ASL: variants seen among roughly 807,000 people sequenced by gnomAD.
The protein encoded by ASL is argininosuccinate lyase.
A neutral mutation model predicts 69.1 loss-of-function variants in ASL; 51 were observed. The observed-to-expected ratio is 0.74, with a 90% CI of 0.59 to 0.93. ASL has a LOEUF of 0.93. ASL is among the 40% of genes least tolerant of loss of function. The probability of loss-of-function intolerance (pLI) is 0.00; values close to 1 mark genes in which losing one functional copy is unlikely to be tolerated. For synonymous variants in ASL, 241 were observed against 247.6 expected, an observed-to-expected ratio of 0.97 and a Z score of 0.25; for missense variants, 540 against 623.9, an observed-to-expected ratio of 0.87 and a Z score of 1.43.
Position 66,087,404 on chromosome 7 carries a change from T to A in ASL, c.655+18T>A. Reference sequence around the variant, plus strand: ...CCGAGCAGGTGAGACGTCCTGCCCCTCCTCCCCAGGGAGAATCACCCTCAG... The same window carrying A: ...CCGAGCAGGTGAGACGTCCTGCCCCACCTCCCCAGGGAGAATCACCCTCAG... On this transcript the variant is annotated intron_variant, in intron 9 of 16. Coordinates refer to ENST00000304874, the MANE Select transcript of ASL (RefSeq NM_000048.4). The A allele has an allele frequency of 3.1e-6, 5 of 1,606,064 alleles. No homozygotes were observed. The highest frequency in any genetic ancestry group is 4.2e-6 in the Non-Finnish European group (5 of 1,179,706).
intron 2 of ASL, among the ~76,000 whole-genome samples, chr7:66,076,729 T>C (rs1222916265): frequency 6.6e-6 from 1 of 151,962 alleles, no homozygotes; most frequent in Non-Finnish European, 1.5e-5. Flanking sequence ...CCATAGTTGA[T>C]TTATCTGGCA....
chr7:66,075,890 C>A (rs1311200563), intron 1 of ASL, 34 bp downstream of exon 1: 4 of 654,138 alleles, frequency 6.1e-6, no homozygotes, highest in Non-Finnish European at 1.1e-5. Flanking sequence ...GCGGGACGGG[C>A]GTGGAGGACG....
intron 14 of ASL, among the ~76,000 whole-genome samples, chr7:66,091,228 TG>T (rs1786835251): frequency 6.6e-6 from 1 of 151,974 alleles, no homozygotes; most frequent in Non-Finnish European, 1.5e-5. Context: ...TCAGAGACTC[TG>T]GGGGTGCTCC....
chr7:66,082,365 C>T lies in ASL; in HGVS notation c.208-3C>T, dbSNP rs1786530560. On this transcript the variant is annotated splice_region_variant and splice_polypyrimidine_tract_variant and intron_variant, in intron 3 of 16. Transcript: ENST00000304874. ...ACCCCGGCATTGCTGCTACCCACTA[C>T]AGGTGGCTGAGGAGTGGGCCCAGGG... 6.2e-7 allele frequency: 1 copy of T among 1,610,982 alleles called. No individual in the cohort carries two copies. Among genetic ancestry groups the T allele is most frequent in the African/African-American group, 1.3e-5 (1 of 74,918 alleles).
intron 8 of ASL, 70 bp from the exon 9 acceptor site, chr7:66,087,263 TG>T: frequency 7.3e-7 from 1 of 1,362,610 alleles, no homozygotes; most frequent in Non-Finnish European, 1.0e-6. Flanking sequence ...TGTGTGTGTG[TG>T]TGTGTGTGTG....
At position 66,092,814 on chromosome 7, in the gene ASL, A is replaced by C. The variant is rs1554328459; in HGVS notation, c.1297A>C (p.Ser433Arg). ...DVICVWDYGH[S>R]VEQYGALGGT... ...GATCTGCGTGTGGGACTACGGGCACAGTGTGGAGCAGTATGGTGCCCTGGG... is the reference window on the plus strand; with the variant it reads ...GATCTGCGTGTGGGACTACGGGCACCGTGTGGAGCAGTATGGTGCCCTGGG... The change falls in exon 17 of 17, where the codon AGT (serine) becomes CGT (arginine). Residue 433 changes from serine to arginine, a missense_variant. Transcript: ENST00000304874. 6.2e-7 allele frequency: 1 copy of C among 1,613,840 alleles called. No individual in the cohort carries two copies. The highest frequency in any genetic ancestry group is 8.5e-7 in the Non-Finnish European group (1 of 1,180,002).
intron 14 of ASL, among the ~76,000 whole-genome samples, chr7:66,091,416 C>T (rs533906213): frequency 1.3e-5 from 2 of 152,194 alleles, no homozygotes; most frequent in East Asian, 3.9e-4. Flanking sequence ...TTAAATTAGC[C>T]AGTCGTGATG....
At position 66,083,000 on chromosome 7, in the gene ASL, T is replaced by TA; in HGVS notation, c.348+65dup. 3 of 1,610,956 alleles carry TA rather than the reference T, an allele frequency of 1.9e-6. No individual in the cohort carries two copies. The South Asian group carries it at 3.3e-5, about 18-fold the overall frequency. ...AACCTTGAGGAGCCCAGGGGGCAGTTAGAGTTCTGCAGCGGTCCTGGCTCC... is the reference window on the plus strand; with the variant it reads ...AACCTTGAGGAGCCCAGGGGGCAGTTAAGAGTTCTGCAGCGGTCCTGGCTCC... On this transcript the variant is annotated intron_variant, in intron 5 of 16. Coordinates refer to ENST00000304874, the MANE Select transcript of ASL (RefSeq NM_000048.4).
At position 66,089,186 on chromosome 7, in the gene ASL, CA is replaced by C. The variant is rs770425849; in HGVS notation, c.918+12del. ...CGTGTGTTTGGGCGGGTGAGCAAGG[CA>C]GGGGGAGGGGCGGGGCCTCTGGGCT... On this transcript the variant is annotated intron_variant, in intron 12 of 16. Transcript: ENST00000304874. The C allele has an allele frequency of 8.7e-6, 14 of 1,613,474 alleles. No individual in the cohort carries two copies. Among genetic ancestry groups the C allele is most frequent in the East Asian group, 2.2e-5 (1 of 44,876 alleles).
chr7:66,087,615 T>C, intron 9 of ASL, 114 bp from the exon 10 acceptor site: 1 of 1,096,402 alleles, frequency 9.1e-7, no homozygotes, highest in Non-Finnish European at 1.4e-6. Flanking sequence ...AAAAGATCCC[T>C]CCCCCCAGCT....
At position 66,083,146 on chromosome 7, in the gene ASL, A is replaced by G. The variant is rs1376078142; in HGVS notation, c.418A>G (p.Ile140Val). 3.1e-6 allele frequency: 5 copies of G among 1,613,370 alleles called. No individual in the cohort carries two copies. In the South Asian group the frequency reaches 5.5e-5, roughly 18 times the overall value. ...STLSGLLWEL[I>V]RTMVDRAEAE... ...GCTCTCGGGCCTCCTCTGGGAGCTC[A>G]TTAGGACCATGGTGGATCGGGCAGA... Residue 140 changes from isoleucine to valine, a missense_variant, in exon 6 of 17, where the codon ATT becomes GTT. Physicochemically the swap from Ile to Val is conservative, Grantham distance 29 (BLOSUM62 3). Coordinates refer to ENST00000304874, the MANE Select transcript of ASL (RefSeq NM_000048.4).
rs770619576 is a variant in ASL at position 66,087,739 on chromosome 7, T to C, written c.666T>C (p.Phe222=). The part of the protein sequence containing the change: ...DRELLRAELN[F]GAITLNSMDA... ...CTCCCACCCCCCCAGAACTCAACTT[T>C]GGGGCCATCACTCTCAACAGCATGG... The change falls in exon 10 of 17, where the codon TTT becomes TTC. Residue 222 remains phenylalanine, a synonymous_variant. Coordinates refer to ENST00000304874, the MANE Select transcript of ASL (RefSeq NM_000048.4). 2 of 1,614,064 alleles carry C rather than the reference T, an allele frequency of 1.2e-6. No individual in the cohort carries two copies. The highest frequency in any genetic ancestry group is 2.2e-5 in the South Asian group (2 of 91,078).
intron 10 of ASL, 42 bp from the exon 11 acceptor site, chr7:66,088,765 G>T (rs972336896): frequency 6.5e-7 from 1 of 1,545,560 alleles, no homozygotes; most frequent in Non-Finnish European, 8.9e-7. Flanking sequence ...CAGGCTGGGT[G>T]GGGATGGGAG....
chr7:66,082,960 G>C (rs1365993920), intron 5 of ASL, 24 bp downstream of exon 5: 2 of 1,612,734 alleles, frequency 1.2e-6, no homozygotes, highest in Non-Finnish European at 8.5e-7. Context: ...TCCACCCCCT[G>C]CTCCGTGTTG....
At chr7:66,080,231 A>C (rs1209847373) in intron 2 of ASL, among the ~76,000 whole-genome samples, 1 of 151,226 alleles carries the variant, frequency 6.6e-6, no homozygotes. Context: ...AAAAAAATAC[A>C]AAAAATTAGC....
intron 10 of ASL, 40 bp from the exon 11 acceptor site, chr7:66,088,767 G>T: frequency 1.3e-6 from 2 of 1,556,090 alleles, no homozygotes; most frequent in Non-Finnish European, 1.8e-6. Context: ...GGCTGGGTGG[G>T]GATGGGAGAG....
At chr7:66,081,689 A>G in intron 2 of ASL, 114 bp from the exon 3 acceptor site, 1 of 1,284,836 alleles carries the variant, frequency 7.8e-7, no homozygotes, top group South Asian at 1.5e-5. Flanking sequence ...CCCAGTTAGA[A>G]TGATCTGATG....
At chr7:66,087,878 C>T (rs757577833) in intron 10 of ASL, 87 bp downstream of exon 10, 32 of 1,528,714 alleles carry the variant, frequency 2.1e-5, no homozygotes, top group African/African-American at 1.2e-4. Flanking sequence ...CACACCTCCA[C>T]GGACAGGCTG....
intron 2 of ASL, among the ~76,000 whole-genome samples, chr7:66,077,210 C>A (rs1786372321): frequency 6.6e-6 from 1 of 152,128 alleles, no homozygotes; most frequent in South Asian, 2.1e-4. Flanking sequence ...GGGAGGACTG[C>A]TGAAGCCCAG....
Sources: allele counts gnomAD v4.1 joint callset (sites outside exome capture counted in the v4.1 genomes callset), GRCh38; gene constraint gnomAD v4.1.1; transcripts MANE v1.5; gene names NCBI Gene and HGNC (gene_info 2026-07-23, HGNC 2026-07-21).